NCKAP5: variants seen among roughly 807,000 people sequenced by gnomAD.
NCKAP5 encodes the protein nck-associated protein 5.
A neutral mutation model predicts 167.0 loss-of-function variants in NCKAP5; 92 were observed. That is an observed-to-expected ratio of 0.55 (90% confidence interval 0.47 to 0.66). The LOEUF (loss-of-function observed/expected upper bound fraction) is 0.66, where lower values mean the gene tolerates loss of function less well. Ranked by LOEUF, NCKAP5 falls within the 30% of genes least tolerant of loss-of-function variation. NCKAP5 has a pLI of 0.00. For synonymous variants in NCKAP5, 891 were observed against 877.4 expected (o/e 1.02, Z -0.27); for missense variants, 2,378 against 2,315.0 (o/e 1.03, Z -0.56).
intron 19 of NCKAP5, among the ~76,000 whole-genome samples, chr2:132,716,135 G>A (rs914715605): frequency 2.6e-5 from 4 of 152,168 alleles, no homozygotes; most frequent in Non-Finnish European, 5.9e-5. Context: ...GGGGGATGGA[G>A]AGGCACAATT....
At chr2:133,128,921 C>A (rs1292200793) in intron 6 of NCKAP5, among the ~76,000 whole-genome samples, 1 of 146,148 alleles carries the variant, frequency 6.8e-6, no homozygotes, top group African/African-American at 2.5e-5. Flanking sequence ...CTAGTGATAT[C>A]TTTTTAAGGA....
intron 1 of NCKAP5, among the ~76,000 whole-genome samples, chr2:133,559,523 A>C (rs907345356): frequency 6.6e-6 from 1 of 152,068 alleles, no homozygotes; most frequent in Non-Finnish European, 1.5e-5. Context: ...GGGTCTTGTT[A>C]TGTTGGCCAG....
the NCKAP5 span, among the ~76,000 whole-genome samples, chr2:133,587,580 A>G: frequency 6.6e-6 from 1 of 152,210 alleles, no homozygotes; most frequent in South Asian, 2.1e-4. Context: ...CAGGGCAGCA[A>G]GAGAGAGCCA....
intron 12 of NCKAP5, among the ~76,000 whole-genome samples, chr2:132,791,300 A>G (rs989048214): frequency 6.6e-5 from 10 of 152,200 alleles, no homozygotes; most frequent in African/African-American, 4.8e-5. Context: ...TGCTTTTCAT[A>G]TCCAGTCCTT....
the NCKAP5 span, among the ~76,000 whole-genome samples, chr2:133,579,333 T>C: frequency 1.3e-5 from 2 of 152,182 alleles, no homozygotes; most frequent in South Asian, 2.1e-4. Flanking sequence ...ACTATAGACT[T>C]ATAATGAAAC....
At chr2:133,065,916 T>C (rs1292552512) in intron 6 of NCKAP5, among the ~76,000 whole-genome samples, 1 of 152,228 alleles carries the variant, frequency 6.6e-6, no homozygotes, top group East Asian at 1.9e-4. Flanking sequence ...ATATAGTTCA[T>C]GTAGCTATTA....
chr2:133,442,152 G>T (rs776455880), intron 3 of NCKAP5, among the ~76,000 whole-genome samples: 13 of 152,144 alleles, frequency 8.5e-5, no homozygotes, highest in Non-Finnish European at 1.5e-4. Flanking sequence ...TTCTGAAAGG[G>T]CATCACACGT....
chr2:132,673,336 A>G, intron 19 of NCKAP5, 31 bp from the exon 20 acceptor site: 4 of 1,398,508 alleles, frequency 2.9e-6, no homozygotes, highest in Non-Finnish European at 3.9e-6. Flanking sequence ...TATTAGAAAC[A>G]TATTTCTTTG....
chr2:132,920,771 GTA>G (rs55895538), intron 8 of NCKAP5, among the ~76,000 whole-genome samples: 322 of 31,452 alleles, frequency 0.01, 6 homozygotes, highest in Middle Eastern at 0.038. Flanking sequence ...ATATATGTAT[GTA>G]TATATATATA....
chr2:132,931,978 G>A (rs1270322028), intron 8 of NCKAP5, among the ~76,000 whole-genome samples: 3 of 152,150 alleles, frequency 2.0e-5, no homozygotes, highest in African/African-American at 7.2e-5. Flanking sequence ...GAAAAAGAGT[G>A]CATATTCACC....
Position 133,137,406 on chromosome 2 carries a change from T to TTGTGTGTGTGTGTGTG in NCKAP5, c.208-7311_208-7296dup, listed in dbSNP as rs58955655. 4.2e-3 allele frequency among the ~76,000 whole-genome samples: 569 copies of TTGTGTGTGTGTGTGTG among 136,266 alleles called. 1 individual carries two copies. Among genetic ancestry groups the TTGTGTGTGTGTGTGTG allele is most frequent in the Non-Finnish European group, 6.1e-3 (382 of 62,972 alleles). The allele number at this position is 136,266 out of a possible 152,430, so 89.4% of individuals were successfully genotyped here. A position where few individuals can be genotyped will look rare whatever the true frequency, so the allele number is the denominator to read the frequency against. ...CTAAAAAAAGATGCAGAGCTTGGTT[T>TTGTGTGTGTGTGTGTG]TGTGTGTGTGTGTGTGTGTGTGTGT... On this transcript the variant is annotated intron_variant, in intron 5 of 19. Coordinates refer to ENST00000409261, the MANE Select transcript of NCKAP5 (RefSeq NM_207363.3).
At chr2:133,074,826 C>A (rs999549018) in intron 6 of NCKAP5, among the ~76,000 whole-genome samples, 7 of 152,068 alleles carry the variant, frequency 4.6e-5, no homozygotes, top group African/African-American at 1.7e-4. Flanking sequence ...AGAATATGGT[C>A]TCAGAGACCT....
chr2:133,010,567 TA>T (rs1559047410), intron 6 of NCKAP5, among the ~76,000 whole-genome samples: 1 of 152,240 alleles, frequency 6.6e-6, no homozygotes, highest in Non-Finnish European at 1.5e-5. Context: ...AGGTTTCCTT[TA>T]GTGTTTGGAA....
At chr2:132,691,977 C>T (rs1477648064) in intron 19 of NCKAP5, among the ~76,000 whole-genome samples, 1 of 152,124 alleles carries the variant, frequency 6.6e-6, no homozygotes, top group Admixed American at 6.6e-5. Flanking sequence ...CTTTCAGCTG[C>T]TTTTCATGTT....
chr2:132,790,889 G>A (rs1684014449), intron 12 of NCKAP5, among the ~76,000 whole-genome samples: 1 of 152,190 alleles, frequency 6.6e-6, no homozygotes, highest in Non-Finnish European at 1.5e-5. Context: ...AGTACCACAA[G>A]GGTGGTCTTA....
At chr2:132,770,506 C>T (rs1681944323) in intron 16 of NCKAP5, among the ~76,000 whole-genome samples, 1 of 150,126 alleles carries the variant, frequency 6.7e-6, no homozygotes, top group African/African-American at 2.4e-5. Context: ...GATTGTCAGG[C>T]TTTTTTGTTG....
chr2:133,555,037 G>C (rs1268340182), intron 2 of NCKAP5, among the ~76,000 whole-genome samples: 1 of 152,094 alleles, frequency 6.6e-6, no homozygotes, highest in Non-Finnish European at 1.5e-5. Context: ...TTTTCCCCGG[G>C]ACATCTTAAG....
At chr2:133,569,412 T>A (rs1019266265), upstream of NCKAP5, among the ~76,000 whole-genome samples, 3 of 152,252 alleles carry the variant, frequency 2.0e-5, no homozygotes, top group Non-Finnish European at 4.4e-5. Context: ...TATTTATATT[T>A]ACTTGCTGCT....
At chr2:132,986,480 C>A (rs1453670264) in intron 7 of NCKAP5, among the ~76,000 whole-genome samples, 3 of 152,116 alleles carry the variant, frequency 2.0e-5, no homozygotes, top group African/African-American at 7.2e-5. Context: ...TGTTGCAAGT[C>A]CCTCAGGTGA....
Sources: gnomAD v4.1 joint callset for allele counts (sites outside exome capture counted in the v4.1 genomes callset) on GRCh38, gnomAD v4.1.1 for gene constraint, MANE v1.5 for transcripts, NCBI Gene and HGNC (gene_info 2026-07-23, HGNC 2026-07-21) for gene names.